Variants in COL14A1 observed in about 807,000 individuals in gnomAD.
The protein encoded by COL14A1 is collagen alpha-1(XIV) chain.
Under a neutral mutation model 230.3 loss-of-function variants are expected in COL14A1, and 136 were observed. The observed-to-expected ratio is 0.59, with a 90% confidence interval of 0.51 to 0.68. The LOEUF (loss-of-function observed/expected upper bound fraction) is 0.68. Ranked by LOEUF, COL14A1 falls within the 30% of genes least tolerant of loss-of-function variation. The pLI is 0.00. For synonymous variants in COL14A1, 792 were observed against 784.1 expected, an observed-to-expected ratio of 1.01 and a Z score of -0.17; for missense variants, 1,976 against 2,215.8, an observed-to-expected ratio of 0.89 and a Z score of 2.17.
At chr8:120,191,355 T>C (rs551497444) in intron 5 of COL14A1, among the ~76,000 whole-genome samples, 2 of 152,348 alleles carry the variant, frequency 1.3e-5, no homozygotes, top group South Asian at 2.1e-4. Context: ...TTCAGCAATT[T>C]TGAGTGAGTT....
At chr8:120,248,922 T>TTTTC (rs1387195463) in intron 21 of COL14A1, among the ~76,000 whole-genome samples, 1 of 76,776 alleles carries the variant, frequency 1.3e-5, no homozygotes, top group East Asian at 2.4e-4. Flanking sequence ...TCTTTCTTTT[T>TTTTC]TTTTTTTTTT....
At chr8:120,273,883 T>C (rs1819755265) in intron 26 of COL14A1, among the ~76,000 whole-genome samples, 1 of 151,286 alleles carries the variant, frequency 6.6e-6, no homozygotes, top group Non-Finnish European at 1.5e-5. Context: ...TTGGTACCAA[T>C]TGTATGGAAA....
Position 120,280,096 on chromosome 8 carries a change from G to A in COL14A1, c.3643G>A (p.Ala1215Thr). The change falls in exon 29 of 48, where the codon GCA becomes ACA. Residue 1215 changes from alanine to threonine, a missense_variant. By Grantham distance (58) the Ala-to-Thr change is moderately conservative (BLOSUM62 0). This residue lies in a region of COL14A1 where 1,791 missense variants were observed against 2,019.5 expected (regional missense o/e 0.89). Transcript: ENST00000297848. ...LITFVCETASATCPVVHKDGI... is the reference protein window; with the variant it reads ...LITFVCETASTTCPVVHKDGI... ...TACTTTTGTCTGCGAAACAGCATCA[G>A]CAAGTTAGTTCTTTGGAATTTGTAC... 1 of 1,613,576 alleles carries A rather than the reference G, an allele frequency of 6.2e-7. No individual in the cohort carries two copies. The highest frequency in any genetic ancestry group is 8.5e-7 in the Non-Finnish European group (1 of 1,179,680).
chr8:120,336,179 G>A (rs998351316), intron 42 of COL14A1, among the ~76,000 whole-genome samples: 3 of 152,132 alleles, frequency 2.0e-5, no homozygotes, highest in African/African-American at 7.2e-5. Flanking sequence ...TATATAAGAA[G>A]CTGTAATAAA....
chr8:120,255,213 T>A (rs777224171), intron 22 of COL14A1, 27 bp from the exon 23 acceptor site: 2 of 1,554,574 alleles, frequency 1.3e-6, no homozygotes, highest in Non-Finnish European at 8.9e-7. Context: ...TGCGGTGTGA[T>A]ACAGTTATGT....
chr8:120,167,352 T>C (rs1027233871), intron 4 of COL14A1, among the ~76,000 whole-genome samples: 33 of 143,894 alleles, frequency 2.3e-4, no homozygotes, highest in African/African-American at 8.0e-4. Context: ...TTCCATGAAA[T>C]GAATGTAGCA....
At chr8:120,299,539 A>G (rs546197193) in intron 35 of COL14A1, among the ~76,000 whole-genome samples, 11 of 152,154 alleles carry the variant, frequency 7.2e-5, no homozygotes, top group South Asian at 6.2e-4. Context: ...TAAGAGGCGT[A>G]AATTCCATAG....
intron 5 of COL14A1, among the ~76,000 whole-genome samples, chr8:120,176,845 C>G (rs1025428074): frequency 6.6e-6 from 1 of 152,132 alleles, no homozygotes; most frequent in African/African-American, 2.4e-5. Context: ...GTTTTCTCCT[C>G]CTCCCTTTCC....
Position 120,225,172 on chromosome 8 carries a change from G to A in COL14A1, c.1822G>A (p.Asp608Asn). The stretch of plus-strand genomic sequence containing the variant: ...TACTATTGCTATTTTCTCCATCTAT[G>A]ATGAAGGACAGTCAGAGCCTCTGAC... ...EYTIAIFSIY[D>N]EGQSEPLTGV... Residue 608 changes from aspartate (D) to asparagine (N), a missense_variant, in exon 15 of 48, where the codon GAT (aspartate) becomes AAT (asparagine). Coordinates refer to ENST00000297848, the MANE Select transcript of COL14A1 (RefSeq NM_021110.4). 1 of 1,613,056 alleles carries A rather than the reference G, an allele frequency of 6.2e-7. No homozygotes were observed. The highest frequency in any genetic ancestry group is 8.5e-7 in the Non-Finnish European group (1 of 1,179,722).
At chr8:120,166,922 GGTGGTGATGA>G (rs1286654250) in intron 4 of COL14A1, among the ~76,000 whole-genome samples, 64 of 134,516 alleles carry the variant, frequency 4.8e-4, no homozygotes, top group African/African-American at 1.6e-3. Flanking sequence ...GTGTGTGTGT[GGTGGTGATGA>G]TGGTGGTGGT....
In COL14A1 at chr8:120,168,199, G is replaced by A. The variant is rs764707402; in HGVS notation, c.388G>A (p.Val130Ile). 5.8e-5 allele frequency: 93 copies of A among 1,612,874 alleles called. No individual in the cohort carries two copies. Among genetic ancestry groups the A allele is most frequent in the Admixed American group, 4.7e-4 (28 of 59,934 alleles). Residue 130 changes from valine (V) to isoleucine (I), a missense_variant, in exon 5 of 48, where the codon GTC becomes ATC. Val to Ile is a conservative substitution (Grantham distance 29, BLOSUM62 3). This residue lies in a region of COL14A1 where 181 missense variants were observed against 178.6 expected (regional missense o/e 1.01). Coordinates refer to ENST00000297848, the MANE Select transcript of COL14A1 (RefSeq NM_021110.4). ...AAAAAGAAAGGATCCAAAGCCCAGA[G>A]TCAAAGTTGTGGACAGAGGAAATGG... ...LEKRKDPKPR[V>I]KVVDRGNGSR...
At chr8:120,234,023 G>A (rs1185912367) in intron 19 of COL14A1, among the ~76,000 whole-genome samples, 1 of 152,108 alleles carries the variant, frequency 6.6e-6, no homozygotes, top group East Asian at 1.9e-4. Flanking sequence ...TCCTTGAAGA[G>A]GTCCTTCACA....
chr8:120,259,043 T>A (rs1468734238), intron 23 of COL14A1, among the ~76,000 whole-genome samples: 1 of 152,214 alleles, frequency 6.6e-6, no homozygotes, highest in African/African-American at 2.4e-5. Context: ...TGCTGAGATG[T>A]CAGCTTTGCA....
chr8:120,307,173 G>T (rs1820880060), intron 36 of COL14A1, among the ~76,000 whole-genome samples: 1 of 152,162 alleles, frequency 6.6e-6, no homozygotes, highest in Admixed American at 6.5e-5. Context: ...TGGTTGCAAA[G>T]AAAAGCTGAG....
At chr8:120,240,656 GT>G in intron 19 of COL14A1, among the ~76,000 whole-genome samples, 1 of 152,168 alleles carries the variant, frequency 6.6e-6, no homozygotes, top group East Asian at 1.9e-4. Context: ...TGATAAGCTT[GT>G]GTACTGAAGT....
intron 34 of COL14A1, among the ~76,000 whole-genome samples, chr8:120,296,424 A>G (rs942308017): frequency 1.3e-5 from 2 of 151,910 alleles, no homozygotes; most frequent in East Asian, 3.9e-4. Context: ...TTTTAATAAC[A>G]TGTTTCAATA....
At chr8:120,359,741 AC>A (rs1004257812) in intron 45 of COL14A1, among the ~76,000 whole-genome samples, 1 of 152,164 alleles carries the variant, frequency 6.6e-6, no homozygotes, top group Non-Finnish European at 1.5e-5. Flanking sequence ...AACTGGGTGA[AC>A]AAAAAGCCCG....
At chr8:120,228,673 G>C in intron 17 of COL14A1, 37 bp from the exon 18 acceptor site, 1 of 1,553,344 alleles carries the variant, frequency 6.4e-7, no homozygotes, top group Non-Finnish European at 8.9e-7. Flanking sequence ...ATGGACAGTT[G>C]TTTTTGCAGC....
At chr8:120,253,564 A>C (rs902731308) in intron 22 of COL14A1, among the ~76,000 whole-genome samples, 10 of 152,228 alleles carry the variant, frequency 6.6e-5, no homozygotes, top group African/African-American at 2.2e-4. Context: ...AATGGCAAAT[A>C]AATTAATATA....
Sources: allele counts gnomAD v4.1 joint callset (sites outside exome capture counted in the v4.1 genomes callset), GRCh38; gene constraint gnomAD v4.1.1; regional missense constraint gnomAD v4.1.1; transcripts MANE v1.5; gene names NCBI Gene and HGNC (gene_info 2026-07-23, HGNC 2026-07-21).